CCDC178: variants seen among roughly 807,000 people sequenced by gnomAD.
The protein encoded by CCDC178 is coiled-coil domain-containing protein 178.
Under a neutral mutation model 117.4 loss-of-function variants are expected in CCDC178, and 126 were observed. The ratio of observed to expected loss-of-function variants is 1.07; its 90% CI spans 0.93 to 1.24. The LOEUF is 1.24. CCDC178 is among the 50% of genes most tolerant of loss of function. The pLI, the probability that CCDC178 is intolerant of heterozygous loss-of-function variation, is 0.00. For missense variants in CCDC178, 1,030 were observed against 986.9 expected, an observed-to-expected ratio of 1.04 and a Z score of -0.59; for synonymous variants, 283 against 313.4, an observed-to-expected ratio of 0.90 and a Z score of 1.02.
chr18:33,238,984 T>TA (rs939779369), intron 15 of CCDC178, among the ~76,000 whole-genome samples: 9 of 151,830 alleles, frequency 5.9e-5, no homozygotes, highest in South Asian at 2.1e-4. Context: ...TTAAAAGGCT[T>TA]AAAAAAAACC....
At chr18:33,132,569 G>A (rs1017808076) in intron 20 of CCDC178, among the ~76,000 whole-genome samples, 3 of 151,538 alleles carry the variant, frequency 2.0e-5, no homozygotes, top group African/African-American at 7.2e-5. Context: ...TATTTTAAAA[G>A]GTAATTTAAA....
intron 21 of CCDC178, among the ~76,000 whole-genome samples, chr18:33,089,501 G>A (rs1185996532): frequency 6.6e-6 from 1 of 152,134 alleles, no homozygotes; most frequent in South Asian, 2.1e-4. Context: ...ACAAGTATTT[G>A]TTACGTGTTG....
intron 22 of CCDC178, among the ~76,000 whole-genome samples, chr18:32,966,537 A>C (rs1949315332): frequency 6.6e-6 from 1 of 151,904 alleles, no homozygotes; most frequent in South Asian, 2.1e-4. Context: ...TGTGTTAATT[A>C]ATATAACTTT....
rs183882631 is a variant in CCDC178 at position 33,000,307 on chromosome 18, A to G, written c.2389-25626T>C. On this transcript the variant is annotated intron_variant, in intron 21 of 22. Transcript: ENST00000383096. ...AATAATCAGAGGAGACAAAAGAAAA[A>G]ATAATTAAAAAAAATAAAGCACACC... Among the ~76,000 whole-genome samples, 4 of 152,196 alleles carry G rather than the reference A, an allele frequency of 2.6e-5. No homozygotes were observed. In the East Asian group the frequency reaches 7.7e-4, roughly 29 times the overall value.
chr18:33,415,970 T>C (rs2063934547), intron 2 of CCDC178, among the ~76,000 whole-genome samples: 1 of 152,140 alleles, frequency 6.6e-6, no homozygotes. Context: ...ATTCCAAACT[T>C]GAAGTAGAAG....
Position 33,215,555 on chromosome 18 carries a change from T to C in CCDC178, c.2073A>G (p.Ile691Met). 7.3e-7 allele frequency: 1 copy of C among 1,375,550 alleles called. No homozygotes were observed. Among genetic ancestry groups the C allele is most frequent in the Non-Finnish European group, 9.7e-7 (1 of 1,027,442 alleles). 85.2% of individuals were successfully genotyped at this position (1,375,550 alleles called of 1,614,324 possible). ...EKKSFDQTLEILKNKFITMRF... is the reference protein window; with the variant it reads ...EKKSFDQTLEMLKNKFITMRF... Reference sequence around the variant, plus strand: ...GATAAAGTTTAAGTACTTACTTTAATATTTCAAGTGTCTGATCAAAACTTT... The same window carrying C: ...GATAAAGTTTAAGTACTTACTTTAACATTTCAAGTGTCTGATCAAAACTTT... Residue 691 changes from isoleucine to methionine, a missense_variant, in exon 19 of 23, where the codon ATA (isoleucine) becomes ATG (methionine). Physicochemically the swap from Ile to Met is conservative, Grantham distance 10. Transcript: ENST00000383096.
At chr18:33,215,903 C>G (rs113631095) in intron 18 of CCDC178, among the ~76,000 whole-genome samples, 17 of 152,066 alleles carry the variant, frequency 1.1e-4, no homozygotes, top group African/African-American at 3.6e-4. Context: ...CAAGACCAAC[C>G]TGGACAACAA....
intron 21 of CCDC178, among the ~76,000 whole-genome samples, chr18:33,027,432 A>G (rs1217014301): frequency 6.6e-6 from 1 of 151,762 alleles, no homozygotes; most frequent in Non-Finnish European, 1.5e-5. Context: ...AGAAACAGTC[A>G]CAATTAGAAG....
At position 33,127,015 on chromosome 18, in the gene CCDC178, TACACAC is replaced by T. The variant is rs199745115; in HGVS notation, c.2239-34111_2239-34106del. 8.3e-3 allele frequency among the ~76,000 whole-genome samples: 1,181 copies of T among 142,376 alleles called. 13 individuals carry two copies. Among genetic ancestry groups the T allele is most frequent in the African/African-American group, 0.027 (1,031 of 37,614 alleles). 93.4% of individuals were successfully genotyped at this position (142,376 alleles called of 152,430 possible). A position where few individuals can be genotyped will look rare whatever the true frequency, so the allele number is the denominator to read the frequency against. ...AAAAAAAAATATATATATATATATA[TACACAC>T]ACACACACACACACACACATGGATC... On this transcript the variant is annotated intron_variant, in intron 20 of 22. Coordinates refer to ENST00000383096, the MANE Select transcript of CCDC178 (RefSeq NM_001105528.4).
chr18:33,412,799 CTGTTTT>C (rs1189546168), intron 2 of CCDC178, among the ~76,000 whole-genome samples: 1 of 152,116 alleles, frequency 6.6e-6, no homozygotes, highest in Admixed American at 6.5e-5. Context: ...CTCACATTTT[CTGTTTT>C]TAAGAATTGT....
intron 21 of CCDC178, among the ~76,000 whole-genome samples, chr18:33,059,142 C>T (rs2056879940): frequency 6.6e-6 from 1 of 152,092 alleles, no homozygotes; most frequent in African/African-American, 2.4e-5. Context: ...CATTTTCAGT[C>T]TGACTGTGGC....
chr18:33,179,126 ATAAAC>A (rs1371205084), intron 20 of CCDC178, among the ~76,000 whole-genome samples: 5 of 105,406 alleles, frequency 4.7e-5, no homozygotes, highest in Non-Finnish European at 1.1e-4. Context: ...ATATATATAT[ATAAAC>A]TATATATATA....
Position 33,278,282 on chromosome 18 carries a change from CATATATATATATATATATAT to C in CCDC178, c.1177-11005_1177-10986del, listed in dbSNP as rs36227101. ...ACATACACATATATATACACAAATA[CATATATATATATATATATAT>C]ATATATATATATATTTACTTCATGA... is the stretch of plus-strand genomic sequence containing the variant. On this transcript the variant is annotated intron_variant, in intron 12 of 22. Coordinates refer to ENST00000383096, the MANE Select transcript of CCDC178 (RefSeq NM_001105528.4). 1.8e-4 allele frequency among the ~76,000 whole-genome samples: 25 copies of C among 141,394 alleles called. 1 individual carries two copies. The highest frequency in any genetic ancestry group is 3.5e-4 in the Non-Finnish European group (23 of 65,746). 92.8% of individuals were successfully genotyped at this position (141,394 alleles called of 152,430 possible). A position where few individuals can be genotyped will look rare whatever the true frequency, so the allele number is the denominator to read the frequency against.
At chr18:33,145,770 T>C (rs1364800509) in intron 20 of CCDC178, among the ~76,000 whole-genome samples, 1 of 152,128 alleles carries the variant, frequency 6.6e-6, no homozygotes, top group East Asian at 1.9e-4. Context: ...AGGGCATCAG[T>C]TGTGATGGTG....
intron 20 of CCDC178, among the ~76,000 whole-genome samples, chr18:33,188,837 T>A (rs1384629272): frequency 6.6e-6 from 1 of 152,164 alleles, no homozygotes; most frequent in Non-Finnish European, 1.5e-5. Flanking sequence ...CATTTTAGTT[T>A]GTGGAAATAT....
intron 11 of CCDC178, among the ~76,000 whole-genome samples, chr18:33,321,181 C>T (rs979596407): frequency 2.4e-4 from 37 of 152,272 alleles, no homozygotes; most frequent in African/African-American, 8.4e-4. Flanking sequence ...TAGGCATGGG[C>T]AAGGACTTCA....
intron 20 of CCDC178, among the ~76,000 whole-genome samples, chr18:33,144,797 T>C (rs2058249604): frequency 6.6e-6 from 1 of 152,088 alleles, no homozygotes; most frequent in South Asian, 2.1e-4. Flanking sequence ...AGAAATGTAA[T>C]GAAAAGACTG....
chr18:33,079,062 T>C (rs151231606), intron 21 of CCDC178, among the ~76,000 whole-genome samples: 44 of 152,122 alleles, frequency 2.9e-4, no homozygotes, highest in Non-Finnish European at 4.4e-4. Flanking sequence ...CAGAATGGTA[T>C]TGGTACAAAA....
chr18:32,978,274 G>A (rs2055069592), intron 21 of CCDC178, among the ~76,000 whole-genome samples: 1 of 141,342 alleles, frequency 7.1e-6, no homozygotes, highest in South Asian at 2.2e-4. Flanking sequence ...CAAGAACCAG[G>A]AAAAGGAAGA....
Sources: allele counts gnomAD v4.1 joint callset (sites outside exome capture counted in the v4.1 genomes callset), GRCh38; gene constraint gnomAD v4.1.1; transcripts MANE v1.5; gene names NCBI Gene and HGNC (gene_info 2026-07-23, HGNC 2026-07-21).